ZSWIM3: variants seen among roughly 807,000 people sequenced by gnomAD.
ZSWIM3 encodes the protein zinc finger SWIM domain-containing protein 3.
In ZSWIM3, 27 loss-of-function variants were observed where a neutral mutation model predicts 47.5. The ratio of observed to expected loss-of-function variants is 0.57; its 90% confidence interval spans 0.42 to 0.78. The LOEUF is 0.78. Among genes scored for constraint, ZSWIM3 ranks in the 30% least tolerant of loss-of-function variants. The pLI, the probability that ZSWIM3 is intolerant of heterozygous loss-of-function variation, is 0.00. For synonymous variants in ZSWIM3, 333 were observed against 333.9 expected (o/e 1.00, Z 0.03); for missense variants, 689 against 861.3 (o/e 0.80, Z 2.50).
At chr20:45,864,279 C>A (rs1397411353) in intron 1 of ZSWIM3, among the ~76,000 whole-genome samples, 2 of 152,142 alleles carry the variant, frequency 1.3e-5, no homozygotes, top group Non-Finnish European at 2.9e-5. Flanking sequence ...AGGTCTTTAG[C>A]AGAAACAAGT....
intron 1 of ZSWIM3, among the ~76,000 whole-genome samples, chr20:45,866,797 CA>C (rs1568746288): frequency 7.0e-6 from 1 of 143,370 alleles, no homozygotes; most frequent in South Asian, 2.4e-4. Flanking sequence ...GACCCTGTCT[CA>C]AAAAAAGAGA....
At chr20:45,875,832 T>C (rs1986078552) in intron 1 of ZSWIM3, among the ~76,000 whole-genome samples, 1 of 152,040 alleles carries the variant, frequency 6.6e-6, no homozygotes, top group Non-Finnish European at 1.5e-5. Flanking sequence ...TGAATCCTTT[T>C]CTTTTTTTTA....
At position 45,876,679 on chromosome 20, in the gene ZSWIM3, A is replaced by G. The variant is rs1555828533; in HGVS notation, c.156-35A>G. On this transcript the variant is annotated intron_variant, in intron 1 of 1. Transcript: ENST00000255152. ...TCTTTATAAGGGGTGGGGGGTGGTC[A>G]GCACCTTTCTCATTGTTACCTCTAC... The G allele has an allele frequency of 1.9e-6, 3 of 1,583,522 alleles. No individual in the cohort carries two copies. In the South Asian group the frequency reaches 3.5e-5, roughly 19 times the overall value.
chr20:45,876,205 G>A (rs1986088444), intron 1 of ZSWIM3, among the ~76,000 whole-genome samples: 1 of 152,006 alleles, frequency 6.6e-6, no homozygotes, highest in Non-Finnish European at 1.5e-5. Flanking sequence ...ACCATGCCCG[G>A]CTAATTTTGT....
At chr20:45,872,858 C>A in intron 1 of ZSWIM3, 1 of 1,248,708 alleles carries the variant, frequency 8.0e-7, no homozygotes, top group South Asian at 1.3e-5. Flanking sequence ...ACCCCTCCAG[C>A]CTGTTACTGT....
Position 45,878,256 on chromosome 20 carries a change from T to C in ZSWIM3, c.1698T>C (p.Ala566=). Residue 566 remains alanine (A), a synonymous_variant, in exon 2 of 2, where the codon GCT becomes GCC. Transcript: ENST00000255152. The part of the protein sequence containing the change: ...WYHLPCRHIL[A]LLHTSQQPVG... ...ACCTGCCATGCCGACACATTTTGGC[T>C]CTGCTGCACACCAGCCAGCAGCCGG... 1.9e-6 allele frequency: 3 copies of C among 1,614,182 alleles called. No individual in the cohort carries two copies. The highest frequency in any genetic ancestry group is 2.5e-6 in the Non-Finnish European group (3 of 1,180,014).
At chr20:45,860,247 G>A (rs1018079571) in intron 1 of ZSWIM3, among the ~76,000 whole-genome samples, 1 of 152,164 alleles carries the variant, frequency 6.6e-6, no homozygotes, top group Non-Finnish European at 1.5e-5. Context: ...GGGTGCAGTG[G>A]CTGATGCCTG....
rs753513562 is a variant in ZSWIM3, at chr20:45,878,165, T to C, written c.1607T>C (p.Leu536Pro). The C allele has an allele frequency of 1.2e-6, 2 of 1,614,084 alleles. No homozygotes were observed. The highest frequency in any genetic ancestry group is 2.7e-5 in the African/African-American group (2 of 74,938). Residue 536 changes from leucine (L) to proline (P), a missense_variant, in exon 2 of 2, where the codon CTA becomes CCA. Physicochemically the swap from Leu to Pro is moderately conservative, Grantham distance 98. Transcript: ENST00000255152. ...MAGSSVDVQL[L>P]EDSHQVSKDG... Reference sequence around the variant, plus strand: ...GGCTCTTCAGTGGACGTTCAGCTGCTAGAGGACTCTCACCAGGTTAGCAAA... The same window carrying C: ...GGCTCTTCAGTGGACGTTCAGCTGCCAGAGGACTCTCACCAGGTTAGCAAA...
chr20:45,869,729 T>C (rs1280575586), intron 1 of ZSWIM3, among the ~76,000 whole-genome samples: 1 of 151,888 alleles, frequency 6.6e-6, no homozygotes, highest in Non-Finnish European at 1.5e-5. Context: ...GTGGCACAAA[T>C]GCAGGAGTCA....
At position 45,857,766 on chromosome 20, in the gene ZSWIM3, C is replaced by T. The variant is rs937885598; in HGVS notation, c.-60C>T. 34 of 1,589,196 alleles carry T rather than the reference C, an allele frequency of 2.1e-5. No individual in the cohort carries two copies. The highest frequency in any genetic ancestry group is 2.8e-5 in the Non-Finnish European group (33 of 1,165,500). ...AACCCTCATAGTGTGACCTTTGACCCCTGGTGTGATCTTGGGCCCGGGCTG... is the reference window on the plus strand; with the variant it reads ...AACCCTCATAGTGTGACCTTTGACCTCTGGTGTGATCTTGGGCCCGGGCTG... On this transcript the variant is annotated 5_prime_UTR_variant, in exon 1 of 2. Coordinates refer to ENST00000255152, the MANE Select transcript of ZSWIM3 (RefSeq NM_080752.4).
chr20:45,870,445 G>A (rs1985948567), intron 1 of ZSWIM3, among the ~76,000 whole-genome samples: 1 of 152,030 alleles, frequency 6.6e-6, no homozygotes, highest in Admixed American at 6.6e-5. Flanking sequence ...TACCTTAATT[G>A]ACTTAGATTA....
chr20:45,863,598 A>G (rs1456337388), intron 1 of ZSWIM3, among the ~76,000 whole-genome samples: 11 of 152,354 alleles, frequency 7.2e-5, no homozygotes, highest in African/African-American at 2.6e-4. Context: ...TAGTTAATAC[A>G]TGTAAAGTGC....
chr20:45,866,115 C>T (rs1341552677), intron 1 of ZSWIM3, among the ~76,000 whole-genome samples: 1 of 148,564 alleles, frequency 6.7e-6, no homozygotes. Context: ...ACCAGCCTGG[C>T]CAACATGGTG....
At chr20:45,861,407 C>T (rs1291919178) in intron 1 of ZSWIM3, among the ~76,000 whole-genome samples, 2 of 142,938 alleles carry the variant, frequency 1.4e-5, no homozygotes, top group African/African-American at 5.2e-5. Context: ...TGGGCAACAA[C>T]AGAGTAAGAT....
chr20:45,870,001 G>T (rs1197000466), intron 1 of ZSWIM3, among the ~76,000 whole-genome samples: 1 of 143,676 alleles, frequency 7.0e-6, no homozygotes, highest in Non-Finnish European at 1.5e-5. Context: ...TCGAGATCTT[G>T]CCACTGCACT....
At chr20:45,872,844 C>T (rs1986004709) in intron 1 of ZSWIM3, 2 of 1,267,708 alleles carry the variant, frequency 1.6e-6, no homozygotes, top group African/African-American at 3.1e-5. Context: ...ACTCTCAGCC[C>T]CAAACCCCTC....
At chr20:45,864,145 G>A (rs1985776149) in intron 1 of ZSWIM3, among the ~76,000 whole-genome samples, 3 of 152,166 alleles carry the variant, frequency 2.0e-5, no homozygotes, top group Admixed American at 2.0e-4. Flanking sequence ...GAGGCTAAGT[G>A]TTTACCATGG....
intron 1 of ZSWIM3, among the ~76,000 whole-genome samples, chr20:45,875,896 A>T (rs555044013): frequency 6.6e-6 from 1 of 151,102 alleles, no homozygotes; most frequent in East Asian, 2.0e-4. Context: ...CAGTGGCACA[A>T]ATCAGAGCTA....
intron 1 of ZSWIM3, among the ~76,000 whole-genome samples, chr20:45,863,177 T>TTTG (rs966670371): frequency 1.8e-5 from 2 of 111,244 alleles, no homozygotes; most frequent in African/African-American, 5.7e-5. Context: ...TTGTTTTTTT[T>TTTG]TTTGTTTGTT....
Sources: allele counts gnomAD v4.1 joint callset (sites outside exome capture counted in the v4.1 genomes callset), GRCh38; gene constraint gnomAD v4.1.1; transcripts MANE v1.5; gene names NCBI Gene and HGNC (gene_info 2026-07-23, HGNC 2026-07-21).